Variants in ZFHX3 observed in about 807,000 individuals in gnomAD.
ZFHX3 encodes zinc finger homeobox 3, also known as zinc finger homeobox protein 3.
In ZFHX3, 42 loss-of-function variants were observed where a neutral mutation model predicts 279.1. The ratio of observed to expected loss-of-function variants is 0.15; its 90% confidence interval spans 0.12 to 0.19. The LOEUF is 0.19. ZFHX3 is among the 10% of genes least tolerant of loss of function. The pLI, the probability that ZFHX3 is intolerant of heterozygous loss-of-function variation, is 1.00. For synonymous variants in ZFHX3, 2,293 were observed against 1,957.8 expected (o/e 1.17, Z -4.52); for missense variants, 4,981 against 4,754.0 (o/e 1.05, Z -1.40).
chr16:73,635,971 GT>G (rs2052523872), intron 2 of ZFHX3, among the ~76,000 whole-genome samples: 1 of 152,098 alleles, frequency 6.6e-6, no homozygotes, highest in Admixed American at 6.5e-5. Context: ...TGTTGATAGG[GT>G]TAGTCATTTC....
At chr16:72,967,266 A>G (rs1317928776) in intron 1 of ZFHX3, among the ~76,000 whole-genome samples, 2 of 152,222 alleles carry the variant, frequency 1.3e-5, no homozygotes, top group African/African-American at 4.8e-5. Flanking sequence ...CTGGAGCAGG[A>G]AAAGTTCAAG....
chr16:73,119,087 C>T (rs1382082351), intron 7 of ZFHX3, among the ~76,000 whole-genome samples: 1 of 144,444 alleles, frequency 6.9e-6, no homozygotes, highest in East Asian at 2.0e-4. Flanking sequence ...TGCAGAAACA[C>T]TCTCTTTTTA....
chr16:73,128,897 A>G (rs994887179), intron 7 of ZFHX3, among the ~76,000 whole-genome samples: 1 of 152,154 alleles, frequency 6.6e-6, no homozygotes, highest in African/African-American at 2.4e-5. Flanking sequence ...GGATGGTAAC[A>G]CTCACCTCAT....
intron 1 of ZFHX3, among the ~76,000 whole-genome samples, chr16:73,820,623 A>C (rs2142348176): frequency 6.6e-6 from 1 of 151,816 alleles, no homozygotes; most frequent in African/African-American, 2.4e-5. Flanking sequence ...TCTGAATGTA[A>C]CCCCCTGTGA....
chr16:72,861,572 A>G (rs181184128), intron 4 of ZFHX3, among the ~76,000 whole-genome samples: 61 of 152,334 alleles, frequency 4.0e-4, no homozygotes, highest in Non-Finnish European at 7.1e-4. Context: ...GGAAGCCCCA[A>G]ACGCCTCCTG....
Position 72,796,284 on chromosome 16 carries a change from T to C in ZFHX3, c.6398A>G (p.Gln2133Arg), listed in dbSNP as rs1323107961. ...GAGCAGGGTTGGATTGAGCTGATGC[T>C]GGTAGAGTTGGGCCAGGTCCGCAGG... ...PLPADLAQLY[Q>R]HQLNPTLLQQ... Residue 2133 changes from glutamine to arginine, a missense_variant, in exon 9 of 10, where the codon CAG becomes CGG. Coordinates refer to ENST00000268489, the MANE Select transcript of ZFHX3 (RefSeq NM_006885.4). 3.7e-6 allele frequency: 6 copies of C among 1,613,948 alleles called. No individual in the cohort carries two copies. The highest frequency in any genetic ancestry group is 5.1e-6 in the Non-Finnish European group (6 of 1,180,024).
chr16:73,452,283 A>T (rs1305860399), intron 3 of ZFHX3, among the ~76,000 whole-genome samples: 1 of 152,212 alleles, frequency 6.6e-6, no homozygotes, highest in Non-Finnish European at 1.5e-5. Context: ...AAAAATAGAG[A>T]TGAAACAGAT....
chr16:73,247,135 G>A (rs1371336145), intron 5 of ZFHX3, among the ~76,000 whole-genome samples: 2 of 151,982 alleles, frequency 1.3e-5, no homozygotes, highest in African/African-American at 4.8e-5. Context: ...TATGTGGAGT[G>A]TGTGTGTACT....
At chr16:72,906,698 T>A (rs2039182175) in intron 3 of ZFHX3, among the ~76,000 whole-genome samples, 1 of 152,114 alleles carries the variant, frequency 6.6e-6, no homozygotes, top group African/African-American at 2.4e-5. Flanking sequence ...CTCAGGAGGC[T>A]GATGCAGGAG....
intron 8 of ZFHX3, among the ~76,000 whole-genome samples, chr16:73,067,313 G>T (rs1020366449): frequency 1.3e-5 from 2 of 152,208 alleles, no homozygotes; most frequent in African/African-American, 4.8e-5. Context: ...AATGCTAAAG[G>T]TTAAACTTAC....
chr16:73,712,490 G>C (rs1208081070), intron 1 of ZFHX3, among the ~76,000 whole-genome samples: 1 of 152,162 alleles, frequency 6.6e-6, no homozygotes, highest in Non-Finnish European at 1.5e-5. Context: ...CTCCCAGTTT[G>C]CTCAGGGAGC....
chr16:73,577,380 T>C (rs78631442), intron 2 of ZFHX3, among the ~76,000 whole-genome samples: 10,586 of 152,230 alleles, frequency 0.07, 854 homozygotes, highest in African/African-American at 0.17. Context: ...TTTTACAAAA[T>C]ACACTGACTA....
At chr16:73,121,279 T>C (rs544093476) in intron 7 of ZFHX3, among the ~76,000 whole-genome samples, 111 of 152,304 alleles carry the variant, frequency 7.3e-4, no homozygotes, top group African/African-American at 2.6e-3. Flanking sequence ...CTTAACACAA[T>C]AAAAAGAATG....
intron 1 of ZFHX3, among the ~76,000 whole-genome samples, chr16:73,709,075 G>A (rs2053332444): frequency 6.6e-6 from 1 of 152,004 alleles, no homozygotes; most frequent in Non-Finnish European, 1.5e-5. Flanking sequence ...GGTTGTTTTG[G>A]GTTAATACAC....
At position 73,816,919 on chromosome 16, in the gene ZFHX3, G is replaced by A. The variant is rs568802630; in HGVS notation, c.-1608+74732C>T. 2.6e-5 allele frequency among the ~76,000 whole-genome samples: 4 copies of A among 152,302 alleles called. No individual in the cohort carries two copies. The East Asian group carries it at 7.7e-4, about 29-fold the overall frequency. ...GAGTTGACAAAACAGAAGATTTAAAGAAATCCAATGAGGTTGCAGTTTTAG... is the reference window on the plus strand; with the variant it reads ...GAGTTGACAAAACAGAAGATTTAAAAAAATCCAATGAGGTTGCAGTTTTAG... On this transcript the variant is annotated intron_variant, in intron 1 of 17. Coordinates refer to the ZFHX3 transcript ENST00000641206.
chr16:73,308,708 C>T, intron 4 of ZFHX3, among the ~76,000 whole-genome samples: 1 of 151,982 alleles, frequency 6.6e-6, no homozygotes, highest in African/African-American at 2.4e-5. Flanking sequence ...TTATCGTCAA[C>T]AATTTATTGA....
At chr16:73,505,256 A>G (rs1261130808) in intron 2 of ZFHX3, among the ~76,000 whole-genome samples, 1 of 152,214 alleles carries the variant, frequency 6.6e-6, no homozygotes, top group Non-Finnish European at 1.5e-5. Flanking sequence ...GTCTAAATGC[A>G]GAACGTCAGC....
intron 8 of ZFHX3, among the ~76,000 whole-genome samples, chr16:73,074,996 C>T (rs968323628): frequency 2.0e-5 from 3 of 151,734 alleles, no homozygotes; most frequent in East Asian, 1.9e-4. Flanking sequence ...TTTGTAGAGA[C>T]GGGGTTTTGC....
Position 73,208,531 on chromosome 16 carries a change from A to G in ZFHX3, c.-1104+48516T>C, listed in dbSNP as rs895953649. On this transcript the variant is annotated intron_variant, in intron 5 of 17. Coordinates refer to the ZFHX3 transcript ENST00000641206. ...TTTTCATAGTTGGAAACATATTTAC[A>G]TCTTTAAAAATAAGGAAATTTAAAC... is the stretch of plus-strand genomic sequence containing the variant. Among the ~76,000 whole-genome samples the G allele has an allele frequency of 2.6e-5, 4 of 152,364 alleles. No individual in the cohort carries two copies. The South Asian group carries it at 6.2e-4, about 24-fold the overall frequency.
Sources: allele counts gnomAD v4.1 joint callset (sites outside exome capture counted in the v4.1 genomes callset), GRCh38; gene constraint gnomAD v4.1.1; transcripts MANE v1.5; gene names NCBI Gene and HGNC (gene_info 2026-07-23, HGNC 2026-07-21).